The following LINGO2 variants were observed in gnomAD, a reference collection of about 807,000 sequenced individuals.
LINGO2 encodes leucine-rich repeat and immunoglobulin-like domain-containing nogo receptor-interacting protein 2.
A neutral mutation model predicts 30.6 loss-of-function variants in LINGO2; 14 were observed. The observed-to-expected ratio is 0.46, with a 90% CI of 0.30 to 0.72. The LOEUF (loss-of-function observed/expected upper bound fraction) is 0.72, where lower values mean the gene tolerates loss of function less well. Ranked by LOEUF, LINGO2 falls within the 30% of genes least tolerant of loss-of-function variation. The pLI, the probability that LINGO2 is intolerant of heterozygous loss-of-function variation, is 0.07. For synonymous variants in LINGO2, 317 were observed against 288.5 expected (o/e 1.10, Z -1.00); for missense variants, 729 against 751.7 (o/e 0.97, Z 0.35).
intron 1 of LINGO2, among the ~76,000 whole-genome samples, chr9:28,594,619 T>C (rs1825083975): frequency 6.6e-6 from 1 of 152,092 alleles, no homozygotes; most frequent in Admixed American, 6.6e-5. Context: ...GAACAGCGTA[T>C]ATAAGGCGCA....
At chr9:28,237,113 A>T (rs879865500) in intron 4 of LINGO2, among the ~76,000 whole-genome samples, 23 of 45,888 alleles carry the variant, frequency 5.0e-4, no homozygotes, top group Non-Finnish European at 9.1e-4. Flanking sequence ...ATAGTTAAAC[A>T]GTGCGGGGGG....
At chr9:28,467,035 T>G (rs78108224) in intron 2 of LINGO2, among the ~76,000 whole-genome samples, 11,092 of 140,072 alleles carry the variant, frequency 0.079, 506 homozygotes, top group Middle Eastern at 0.11. Context: ...TCTTTTTTTT[T>G]GGGGGGGGGG....
At chr9:29,090,088 T>A in the LINGO2 span, among the ~76,000 whole-genome samples, 27 of 152,140 alleles carry the variant, frequency 1.8e-4, no homozygotes, top group South Asian at 5.4e-3. Context: ...TATATTACAG[T>A]GGTATTGAAA....
At chr9:28,370,737 A>G (rs1388896837) in intron 3 of LINGO2, among the ~76,000 whole-genome samples, 1 of 152,228 alleles carries the variant, frequency 6.6e-6, no homozygotes, top group East Asian at 1.9e-4. Flanking sequence ...CCTATCCTCC[A>G]TACCAACCAC....
chr9:28,021,962 ATATT>A (rs940095290), intron 4 of LINGO2, among the ~76,000 whole-genome samples: 10 of 152,022 alleles, frequency 6.6e-5, no homozygotes, highest in Admixed American at 2.6e-4. Flanking sequence ...TTAACCATAA[ATATT>A]TAAAGTAATA....
chr9:28,362,642 G>A (rs1278173830), intron 3 of LINGO2, among the ~76,000 whole-genome samples: 1 of 151,954 alleles, frequency 6.6e-6, no homozygotes, highest in Non-Finnish European at 1.5e-5. Flanking sequence ...GGCTAATTTT[G>A]TATTTTTAGT....
At chr9:29,127,668 G>A in the LINGO2 span, among the ~76,000 whole-genome samples, 1 of 151,966 alleles carries the variant, frequency 6.6e-6, no homozygotes, top group Non-Finnish European at 1.5e-5. Context: ...TAGATCCTTA[G>A]TAATTGAGGG....
At chr9:27,941,431 A>G in the LINGO2 span, 6 of 152,386 alleles carry the variant, frequency 3.9e-5, no homozygotes, top group East Asian at 1.9e-4. Flanking sequence ...GTGAGACTCA[A>G]AAAAGAAAAG....
chr9:28,337,766 T>A (rs1408543655), intron 3 of LINGO2, among the ~76,000 whole-genome samples: 1 of 152,110 alleles, frequency 6.6e-6, no homozygotes, highest in African/African-American at 2.4e-5. Flanking sequence ...GTATTGAGCC[T>A]ATGGGTGCAC....
At chr9:28,402,301 T>C (rs186394771) in intron 2 of LINGO2, among the ~76,000 whole-genome samples, 8,172 of 149,488 alleles carry the variant, frequency 0.055, 321 homozygotes, top group Non-Finnish European at 0.08. Context: ...CTTTCCCCCC[T>C]ATTTGTTGAA....
intron 4 of LINGO2, among the ~76,000 whole-genome samples, chr9:28,124,504 AAAGC>A (rs1428946081): frequency 2.0e-5 from 3 of 152,240 alleles, no homozygotes; most frequent in Non-Finnish European, 4.4e-5. Context: ...CACTCCTATT[AAAGC>A]AAGAAAATAC....
At chr9:28,191,174 G>A (rs921205521) in intron 4 of LINGO2, among the ~76,000 whole-genome samples, 6 of 152,184 alleles carry the variant, frequency 3.9e-5, no homozygotes, top group Non-Finnish European at 5.9e-5. Context: ...CTCTAGGCAG[G>A]CAAGCTGGGC....
At chr9:28,786,485 A>G in the LINGO2 span, among the ~76,000 whole-genome samples, 11 of 152,172 alleles carry the variant, frequency 7.2e-5, no homozygotes, top group Non-Finnish European at 1.3e-4. Flanking sequence ...TAGCTACTGT[A>G]TTTCCATGTA....
chr9:28,268,502 T>C (rs1184304057), intron 4 of LINGO2, among the ~76,000 whole-genome samples: 1 of 152,060 alleles, frequency 6.6e-6, no homozygotes, highest in Non-Finnish European at 1.5e-5. Context: ...GAAAGTCAAT[T>C]GGTAGGAAAC....
Position 28,064,280 on chromosome 9 carries a change from T to A in LINGO2, c.-86-51875A>T, listed in dbSNP as rs180847797. Among the ~76,000 whole-genome samples the A allele has an allele frequency of 3.8e-3, 583 of 152,260 alleles. 4 individuals are homozygous for A. Among genetic ancestry groups the A allele is most frequent in the African/African-American group, 0.013 (559 of 41,566 alleles). ...TGCCTTCGGGTTAAAGGCACCGACA[T>A]TTCCATGAGGTTGTACCCATTCAAC... On this transcript the variant is annotated intron_variant, in intron 4 of 5. Transcript: ENST00000379992.
At chr9:28,996,489 A>C in the LINGO2 span, among the ~76,000 whole-genome samples, 1 of 152,186 alleles carries the variant, frequency 6.6e-6, no homozygotes. Flanking sequence ...CATCTATGAC[A>C]TTTCATTGCC....
the LINGO2 span, among the ~76,000 whole-genome samples, chr9:29,116,735 G>T: frequency 6.6e-6 from 1 of 150,422 alleles, no homozygotes; most frequent in Non-Finnish European, 1.5e-5. Context: ...CTAGAATATT[G>T]CAGAAAACCA....
the LINGO2 span, among the ~76,000 whole-genome samples, chr9:29,000,586 C>A: frequency 6.6e-6 from 1 of 151,866 alleles, no homozygotes; most frequent in East Asian, 1.9e-4. Flanking sequence ...AGTGTCTATT[C>A]TTACATTCTG....
chr9:28,732,820 A>G, the LINGO2 span, among the ~76,000 whole-genome samples: 1 of 151,990 alleles, frequency 6.6e-6, no homozygotes, highest in East Asian at 1.9e-4. Flanking sequence ...CTATGAAATA[A>G]AACAATCTAC....
Sources: allele counts gnomAD v4.1 joint callset (sites outside exome capture counted in the v4.1 genomes callset), GRCh38; gene constraint gnomAD v4.1.1; transcripts MANE v1.5; gene names NCBI Gene and HGNC (gene_info 2026-07-23, HGNC 2026-07-21).